HBEGF: variants seen among roughly 807,000 people sequenced by gnomAD.
HBEGF encodes the protein proheparin-binding EGF-like growth factor.
HBEGF carries 8 observed loss-of-function variants against 19.5 expected under a neutral mutation model. The observed-to-expected ratio is 0.41, with a 90% confidence interval of 0.24 to 0.74. HBEGF has a LOEUF of 0.74. Ranked by LOEUF, HBEGF falls within the 30% of genes least tolerant of loss-of-function variation. The pLI, the probability that HBEGF is intolerant of heterozygous loss-of-function variation, is 0.32. For missense variants in HBEGF, 207 were observed against 256.9 expected, an observed-to-expected ratio of 0.81 and a Z score of 1.33; for synonymous variants, 97 against 108.9, an observed-to-expected ratio of 0.89 and a Z score of 0.68.
rs574268332 is a variant in HBEGF, at chr5:140,342,821, G to A, written c.221-9C>T. 6.2e-7 allele frequency: 1 copy of A among 1,614,028 alleles called. No homozygotes were observed. The highest frequency in any genetic ancestry group is 1.3e-5 in the African/African-American group (1 of 75,044). ...CTTGGAGGATAAAGTGACTGTAGGAGAAAAGCACTCTGTTAAAGTCTGACT... is the reference window on the plus strand; with the variant it reads ...CTTGGAGGATAAAGTGACTGTAGGAAAAAAGCACTCTGTTAAAGTCTGACT... On this transcript the variant is annotated splice_polypyrimidine_tract_variant and intron_variant, in intron 2 of 5. Transcript: ENST00000230990.
At chr5:140,335,848 C>T (rs1269922275) in intron 4 of HBEGF, 24 bp downstream of exon 4, 5 of 1,610,572 alleles carry the variant, frequency 3.1e-6, no homozygotes, top group African/African-American at 1.3e-5. Flanking sequence ...GCAGAAACAG[C>T]CTGCAGGGGA....
At chr5:140,340,354 C>T (rs1298554566) in intron 3 of HBEGF, among the ~76,000 whole-genome samples, 16 of 150,960 alleles carry the variant, frequency 1.1e-4, no homozygotes, top group Admixed American at 2.6e-4. Context: ...CTGAGGCAGG[C>T]GGATCACCTG....
intron 3 of HBEGF, among the ~76,000 whole-genome samples, chr5:140,336,401 G>A (rs1361937999): frequency 6.6e-6 from 1 of 152,172 alleles, no homozygotes; most frequent in Non-Finnish European, 1.5e-5. Context: ...TGAGGGCTTG[G>A]GCACAAGAGC....
At chr5:140,334,903 C>T in intron 4 of HBEGF, 155 bp from the exon 5 acceptor site, 1 of 666,860 alleles carries the variant, frequency 1.5e-6, no homozygotes, top group East Asian at 2.6e-5. Flanking sequence ...AAAGGCCCAA[C>T]TGCCCCGAGG....
intron 4 of HBEGF, chr5:140,334,998 A>G: frequency 1.8e-6 from 1 of 558,176 alleles, no homozygotes; most frequent in Non-Finnish European, 3.2e-6. Context: ...TATGAGGTAG[A>G]TGGACAAACA....
At chr5:140,338,050 A>T (rs765317920) in intron 3 of HBEGF, among the ~76,000 whole-genome samples, 3 of 152,224 alleles carry the variant, frequency 2.0e-5, no homozygotes, top group Non-Finnish European at 4.4e-5. Context: ...CAGGGCTAAG[A>T]CTAGGAACAA....
At position 140,336,147 on chromosome 5, in the gene HBEGF, G is replaced by C. The variant is rs1243260756; in HGVS notation, c.399-120C>G. On this transcript the variant is annotated intron_variant, in intron 3 of 5. Transcript: ENST00000230990. ...CCTCAGCCTGTCAATCCCTGACCAC[G>C]ATCCCTGCCCATCCTCCATCCTTCT... The C allele has an allele frequency of 1.0e-5, 10 of 954,872 alleles. No homozygotes were observed. In the East Asian group the frequency reaches 2.0e-4, roughly 19 times the overall value. 59.1% of individuals were successfully genotyped at this position (954,872 alleles called of 1,614,324 possible).
chr5:140,344,847 C>A (rs1323298627), intron 2 of HBEGF, among the ~76,000 whole-genome samples: 1 of 109,714 alleles, frequency 9.1e-6, no homozygotes, highest in African/African-American at 3.7e-5. Context: ...GAGGAGCAGC[C>A]GTGTGGGTGG....
intron 3 of HBEGF, 53 bp downstream of exon 3, chr5:140,342,582 C>G: frequency 6.5e-7 from 1 of 1,531,880 alleles, no homozygotes; most frequent in Non-Finnish European, 9.0e-7. Context: ...GGAACAGCCA[C>G]GTGGCTGACA....
intron 2 of HBEGF, 37 bp downstream of exon 2, chr5:140,345,874 C>T (rs745720109): frequency 6.2e-7 from 1 of 1,611,256 alleles, no homozygotes; most frequent in Admixed American, 1.7e-5. Context: ...CTTCAACAGC[C>T]CACCAAGGTC....
rs1766178031 is a variant in HBEGF at position 140,333,142 on chromosome 5, C to T, written c.*1157G>A. 1 of 152,700 alleles carries T rather than the reference C, an allele frequency of 6.5e-6. No individual in the cohort carries two copies. Among genetic ancestry groups the T allele is most frequent in the African/African-American group, 2.4e-5 (1 of 41,430 alleles). 9.5% of individuals were successfully genotyped at this position (152,700 alleles called of 1,614,324 possible). A position where few individuals can be genotyped will look rare whatever the true frequency, so the allele number is the denominator to read the frequency against. On this transcript the variant is annotated 3_prime_UTR_variant, in exon 6 of 6. Transcript: ENST00000230990. ...CCAGACTGTCCTCTGCTGCACTGAC[C>T]CCTGCATGGAGTAGCACCAGAAGAA... is the stretch of plus-strand genomic sequence containing the variant.
chr5:140,340,499 C>T (rs1462421143), intron 3 of HBEGF, among the ~76,000 whole-genome samples: 2 of 142,394 alleles, frequency 1.4e-5, no homozygotes, highest in African/African-American at 2.6e-5. Context: ...AGGAGAATTG[C>T]TTGAACCCAG....
In HBEGF at chr5:140,345,996, T is replaced by A; in HGVS notation, c.135A>T (p.Val45=). ...CTAGGGGTAGCAGCTGGTCCGTGGATACAGTGGGAGGGTCCGGGTTGCTGG... is the reference window on the plus strand; with the variant it reads ...CTAGGGGTAGCAGCTGGTCCGTGGAAACAGTGGGAGGGTCCGGGTTGCTGG... ...AGTSNPDPPT[V]STDQLLPLGG... The change falls in exon 2 of 6, where the codon GTA becomes GTT. Residue 45 remains valine (V), a synonymous_variant. Coordinates refer to ENST00000230990, the MANE Select transcript of HBEGF (RefSeq NM_001945.3). 2 of 1,614,084 alleles carry A rather than the reference T, an allele frequency of 1.2e-6. No individual in the cohort carries two copies. Among genetic ancestry groups the A allele is most frequent in the Non-Finnish European group, 1.7e-6 (2 of 1,180,000 alleles).
At chr5:140,335,434 T>C (rs2126716009) in intron 4 of HBEGF, among the ~76,000 whole-genome samples, 1 of 148,052 alleles carries the variant, frequency 6.8e-6, no homozygotes, top group South Asian at 2.2e-4. Context: ...GAGTGCTTGG[T>C]GGGTCTCCCA....
At chr5:140,340,547 C>T (rs761801335) in intron 3 of HBEGF, among the ~76,000 whole-genome samples, 5 of 130,020 alleles carry the variant, frequency 3.8e-5, no homozygotes, top group Non-Finnish European at 6.2e-5. Context: ...CACACCACTG[C>T]ACCCCAGCAT....
intron 3 of HBEGF, among the ~76,000 whole-genome samples, chr5:140,342,110 C>T (rs1424896714): frequency 1.3e-5 from 2 of 152,182 alleles, no homozygotes; most frequent in Admixed American, 6.5e-5. Flanking sequence ...GAAAGAGAGG[C>T]CTCAACCTGC....
chr5:140,346,151 G>T lies in HBEGF; in HGVS notation c.47-67C>A. On this transcript the variant is annotated intron_variant, in intron 1 of 5. Transcript: ENST00000230990. The surrounding 1 kb of genome is among the most constrained non-coding windows in gnomAD (Gnocchi z 6.1). ...CCCCTGACCAACACGCACCGATGCC[G>T]ACGCCCGTCCGCCAGAGCGCAAGGG... The T allele has an allele frequency of 6.4e-7, 1 of 1,568,876 alleles. No individual in the cohort carries two copies. The highest frequency in any genetic ancestry group is 1.1e-5 in the South Asian group (1 of 87,586).
intron 3 of HBEGF, among the ~76,000 whole-genome samples, chr5:140,340,729 C>T (rs1267552289): frequency 2.6e-5 from 4 of 152,116 alleles, no homozygotes; most frequent in African/African-American, 9.7e-5. Flanking sequence ...AGGACAACAG[C>T]TGCCCTCTGC....
Position 140,333,959 on chromosome 5 carries a change from C to T in HBEGF, c.*340G>A, listed in dbSNP as rs2126715377. ...TCTTTTTTTTTTTCAGTCAAAGATC[C>T]TGGAGCATATGGAATTTAACCGGCA... On this transcript the variant is annotated 3_prime_UTR_variant, in exon 6 of 6. Coordinates refer to ENST00000230990, the MANE Select transcript of HBEGF (RefSeq NM_001945.3). 1 of 152,308 alleles carries T rather than the reference C, an allele frequency of 6.6e-6. No individual in the cohort carries two copies. The highest frequency in any genetic ancestry group is 1.5e-5 in the Non-Finnish European group (1 of 67,980). The allele number at this position is 152,308 out of a possible 1,614,324, so 9.4% of individuals were successfully genotyped here. A position where few individuals can be genotyped will look rare whatever the true frequency, so the allele number is the denominator to read the frequency against.
Sources: gnomAD v4.1 joint callset for allele counts (sites outside exome capture counted in the v4.1 genomes callset) on GRCh38, gnomAD v4.1.1 for gene constraint, Gnocchi (gnomAD v3.1) non-coding constraint, MANE v1.5 for transcripts, NCBI Gene and HGNC (gene_info 2026-07-23, HGNC 2026-07-21) for gene names.